Variants in TMEM67 observed in about 807,000 individuals in gnomAD.
TMEM67 encodes meckelin.
Under a neutral mutation model 136.6 loss-of-function variants are expected in TMEM67, and 124 were observed. The observed-to-expected ratio is 0.91, with a 90% CI of 0.78 to 1.05. The LOEUF is 1.05. Among genes scored for constraint, TMEM67 ranks in the 50% least tolerant of loss-of-function variants. The pLI is 0.00. For synonymous variants in TMEM67, 364 were observed against 390.5 expected (o/e 0.93, Z 0.80); for missense variants, 1,107 against 1,178.4 (o/e 0.94, Z 0.89).
Position 93,755,869 on chromosome 8 carries a change from G to A in TMEM67, c.312+3G>A, listed in dbSNP as rs1404637051. On this transcript the variant is annotated splice_donor_region_variant and intron_variant, in intron 2 of 27. Transcript: ENST00000453321. ...GTAAAAAGTGCCCAGAAAACATGGTGCGCATAATTTATTTTAAAATAACTT... is the reference window on the plus strand; with the variant it reads ...GTAAAAAGTGCCCAGAAAACATGGTACGCATAATTTATTTTAAAATAACTT... 1.3e-6 allele frequency: 2 copies of A among 1,537,728 alleles called. No homozygotes were observed. Among genetic ancestry groups the A allele is most frequent in the East Asian group, 2.3e-5 (1 of 44,128 alleles).
At chr8:93,811,394 A>G (rs1447484032) in intron 26 of TMEM67, 1 of 152,272 alleles carries the variant, frequency 6.6e-6, no homozygotes, top group Non-Finnish European at 1.5e-5. Context: ...ATGCACTTAC[A>G]AACTTTATAA....
At chr8:93,820,402 G>T (rs902124209), downstream of TMEM67, among the ~76,000 whole-genome samples, 95 of 152,268 alleles carry the variant, frequency 6.2e-4, no homozygotes, top group African/African-American at 2.3e-3. Flanking sequence ...CACGTGCATG[G>T]AGTGTTTAAC....
Position 93,804,771 on chromosome 8 carries a change from T to G in TMEM67, c.2332T>G (p.Phe778Val), listed in dbSNP as rs1323152508. The G allele has an allele frequency of 6.4e-7, 1 of 1,572,612 alleles. No individual in the cohort carries two copies. Residue 778 changes from phenylalanine to valine, a missense_variant, in exon 23 of 28, where the codon TTT becomes GTT. Coordinates refer to ENST00000453321, the MANE Select transcript of TMEM67 (RefSeq NM_153704.6). ...TATTCTCTTTTTATAGATATCAGTG[T>G]TTCTGTTATCCCACAAATGTTTTGG... is the stretch of plus-strand genomic sequence containing the variant. ...DLCSMSNISV[F>V]LLSHKCFGYY...
At chr8:93,810,454 C>A (rs1808658951) in intron 26 of TMEM67, among the ~76,000 whole-genome samples, 1 of 151,936 alleles carries the variant, frequency 6.6e-6, no homozygotes, top group South Asian at 2.1e-4. Context: ...GTGGCAGGCA[C>A]ATATAGTCCC....
At chr8:93,773,091 T>A in intron 7 of TMEM67, among the ~76,000 whole-genome samples, 1 of 152,098 alleles carries the variant, frequency 6.6e-6, no homozygotes, top group East Asian at 1.9e-4. Context: ...TTTTATATAG[T>A]GATCAGGACA....
chr8:93,754,845 A>G, upstream of TMEM67: 2 of 1,466,372 alleles, frequency 1.4e-6, no homozygotes, highest in East Asian at 2.3e-5. Flanking sequence ...GGGTTGTCCA[A>G]TCAGCTCAGC....
rs1013334346 is a variant in TMEM67 at position 93,817,865 on chromosome 8, A to G, written c.*1413A>G. 1.3e-5 allele frequency: 2 copies of G among 152,234 alleles called. No individual in the cohort carries two copies. Among genetic ancestry groups the G allele is most frequent in the Non-Finnish European group, 2.9e-5 (2 of 68,038 alleles). 9.4% of individuals were successfully genotyped at this position (152,234 alleles called of 1,614,324 possible). On this transcript the variant is annotated 3_prime_UTR_variant, in exon 28 of 28. Transcript: ENST00000453321. ...ACAGGAATGCCTTTATAAAAGCTGC[A>G]GAGATAAATACATGTACTTATATGG... is the stretch of plus-strand genomic sequence containing the variant.
intron 6 of TMEM67, among the ~76,000 whole-genome samples, chr8:93,765,966 C>T (rs1305370250): frequency 1.3e-5 from 2 of 152,030 alleles, no homozygotes; most frequent in Non-Finnish European, 2.9e-5. Context: ...ATTTGCAAGT[C>T]ATTAGTTTGG....
intron 6 of TMEM67, among the ~76,000 whole-genome samples, chr8:93,766,912 G>T (rs901990380): frequency 2.6e-5 from 4 of 152,038 alleles, no homozygotes; most frequent in African/African-American, 9.7e-5. Context: ...TGTCTTCTGG[G>T]GCATTCTTCT....
chr8:93,797,831 A>G (rs1414051875), intron 20 of TMEM67, among the ~76,000 whole-genome samples: 5 of 152,186 alleles, frequency 3.3e-5, no homozygotes, highest in Admixed American at 3.3e-4. Context: ...AAAAATACAA[A>G]ATTAGCTGGG....
chr8:93,782,578 T>G (rs561056473), intron 11 of TMEM67, 118 bp downstream of exon 11: 27 of 770,936 alleles, frequency 3.5e-5, no homozygotes, highest in African/African-American at 1.1e-4. Context: ...TTGGTTTTTT[T>G]TTTTTTTTTT....
At chr8:93,792,351 T>C (rs540693713) in intron 15 of TMEM67, among the ~76,000 whole-genome samples, 72 of 152,044 alleles carry the variant, frequency 4.7e-4, no homozygotes, top group African/African-American at 1.7e-3. Flanking sequence ...TTTTAATATT[T>C]TTAGTAGAGA....
the TMEM67 span, among the ~76,000 whole-genome samples, chr8:93,824,296 C>T: frequency 6.6e-6 from 1 of 152,150 alleles, no homozygotes. Context: ...TCCATATATT[C>T]TTTCTAGCTA....
intron 1 of TMEM67, 43 bp downstream of exon 1, chr8:93,755,180 G>T: frequency 6.5e-7 from 1 of 1,544,774 alleles, no homozygotes; most frequent in South Asian, 1.1e-5. Flanking sequence ...TAACACTCCC[G>T]CCTTGGTCGG....
intron 1 of TMEM67, among the ~76,000 whole-genome samples, chr8:93,755,458 TATA>T (rs1453545693): frequency 6.6e-6 from 1 of 152,224 alleles, no homozygotes; most frequent in African/African-American, 2.4e-5. Flanking sequence ...GACCTCTACG[TATA>T]ATAACTAATT....
At chr8:93,782,289 A>T in intron 10 of TMEM67, 106 bp from the exon 11 acceptor site, 1 of 808,674 alleles carries the variant, frequency 1.2e-6, no homozygotes, top group Non-Finnish European at 2.1e-6. Flanking sequence ...TTGATACATT[A>T]AATAAGTATT....
At position 93,758,494 on chromosome 8, in the gene TMEM67, A is replaced by G; in HGVS notation, c.324A>G (p.Thr108=). The G allele has an allele frequency of 6.2e-7, 1 of 1,613,386 alleles. No individual in the cohort carries two copies. The highest frequency in any genetic ancestry group is 1.1e-5 in the South Asian group (1 of 90,910). ...TTCTTTTAATTTAGAAAGGTGTTAC[A>G]GAAGATGGCTGGAACTGCATTTCTT... The part of the protein sequence containing the change: ...KKCPENMKGV[T]EDGWNCISCP... Residue 108 remains threonine, a synonymous_variant, in exon 3 of 28, where the codon ACA becomes ACG. Transcript: ENST00000453321.
intron 27 of TMEM67, among the ~76,000 whole-genome samples, 190 bp downstream of exon 27, chr8:93,815,637 A>G (rs773801914): frequency 2.6e-5 from 4 of 152,220 alleles, no homozygotes; most frequent in Non-Finnish European, 5.9e-5. Context: ...TTTAGGGTCA[A>G]TGAAATACTG....
chr8:93,795,955 G>C lies in TMEM67; in HGVS notation c.1828G>C (p.Val610Leu). 6.2e-7 allele frequency: 1 copy of C among 1,613,648 alleles called. No individual in the cohort carries two copies. The highest frequency in any genetic ancestry group is 8.5e-7 in the Non-Finnish European group (1 of 1,179,608). The change falls in exon 18 of 28, where the codon GTC becomes CTC. Residue 610 changes from valine (V) to leucine (L), a missense_variant. Val to Leu is a conservative substitution (Grantham distance 32). This residue lies in a region of TMEM67 where 925 missense variants were observed against 1,002.4 expected (regional missense o/e 0.92). Transcript: ENST00000453321. Reference protein sequence around the residue: ...LPMPIQEERFVTYVGCAFALK... With the variant: ...LPMPIQEERFLTYVGCAFALK... The stretch of plus-strand genomic sequence containing the variant: ...AATGCCAATTCAGGAAGAACGTTTT[G>C]TCACTTATGTTGGATGTGCCTTTGC...
Sources: allele counts gnomAD v4.1 joint callset (sites outside exome capture counted in the v4.1 genomes callset), GRCh38; gene constraint gnomAD v4.1.1; regional missense constraint gnomAD v4.1.1; transcripts MANE v1.5; gene names NCBI Gene and HGNC (gene_info 2026-07-23, HGNC 2026-07-21).